Variants in PXK observed in about 807,000 individuals in gnomAD.
PXK encodes PX domain containing serine/threonine kinase like.
In PXK, 35 loss-of-function variants were observed where a neutral mutation model predicts 84.7. That is an observed-to-expected ratio of 0.41 (90% CI 0.32 to 0.55). The LOEUF (loss-of-function observed/expected upper bound fraction) is 0.55, where lower values mean the gene tolerates loss of function less well. Ranked by LOEUF, PXK falls within the 20% of genes least tolerant of loss-of-function variation. PXK has a pLI of 0.21. For missense variants in PXK, 634 were observed against 699.7 expected (o/e 0.91, Z 1.06); for synonymous variants, 253 against 260.8 (o/e 0.97, Z 0.29).
At chr3:58,422,049 T>A in intron 17 of PXK, 1 of 985,406 alleles carries the variant, frequency 1.0e-6, no homozygotes, top group Non-Finnish European at 1.2e-6. Flanking sequence ...ACAGGCCAAA[T>A]GGTAACTTTC....
At chr3:58,334,440 A>G (rs751560570) in intron 1 of PXK, among the ~76,000 whole-genome samples, 9 of 152,196 alleles carry the variant, frequency 5.9e-5, no homozygotes, top group Non-Finnish European at 1.3e-4. Context: ...TAGGATAGGG[A>G]GTCAAGAGTA....
Position 58,333,002 on chromosome 3 carries a change from A to G in PXK, c.14A>G (p.Glu5Gly). 7.3e-7 allele frequency: 1 copy of G among 1,367,408 alleles called. No individual in the cohort carries two copies. The highest frequency in any genetic ancestry group is 1.4e-5 in the South Asian group (1 of 69,288). The allele number at this position is 1,367,408 out of a possible 1,614,324, so 84.7% of individuals were successfully genotyped here. The change falls in exon 1 of 18, where the codon GAG (glutamate) becomes GGG (glycine). Residue 5 changes from glutamate (E) to glycine (G), a missense_variant. Physicochemically the swap from Glu to Gly is moderately conservative, Grantham distance 98. Around this residue, in one of 3 missense-constraint regions of PXK, gnomAD observed 353 missense variants for 385.2 expected, o/e 0.92. Coordinates refer to ENST00000356151, the MANE Select transcript of PXK (RefSeq NM_017771.5). This position sits in a 1 kb window ranked among gnomAD's most constrained non-coding sequence, Gnocchi z 5.4. MAFM[E>G]KPPAGKVLLD... is the part of the protein sequence containing the mutation. ...GGGCGTCCCGGGATGGCCTTCATGG[A>G]GAAGCCGCCAGCCGGCAAGGTGCTG...
intron 3 of PXK, among the ~76,000 whole-genome samples, chr3:58,372,276 C>G (rs2098384230): frequency 6.6e-6 from 1 of 152,070 alleles, no homozygotes; most frequent in African/African-American, 2.4e-5. Context: ...AAGTGCTCCA[C>G]AAACAAGCAC....
chr3:58,406,526 G>C (rs541534650), intron 13 of PXK, among the ~76,000 whole-genome samples: 51 of 152,126 alleles, frequency 3.4e-4, no homozygotes, highest in African/African-American at 1.2e-3. Flanking sequence ...GCCTCCCAAA[G>C]TGCTGGGATT....
At chr3:58,404,574 A>AGG (rs761598804) in intron 13 of PXK, among the ~76,000 whole-genome samples, 26 of 152,174 alleles carry the variant, frequency 1.7e-4, no homozygotes, top group Non-Finnish European at 3.2e-4. Flanking sequence ...CAAGCACTTA[A>AGG]TCTTTGAGTC....
Position 58,365,508 on chromosome 3 carries a change from T to C in PXK, c.103-366T>C, listed in dbSNP as rs74500023. ...CTAATTAAATCCTGTTGGCTGATGG[T>C]ATTGTTAAGTTCTTCTATATCCTAG... is the stretch of plus-strand genomic sequence containing the variant. On this transcript the variant is annotated intron_variant, in intron 1 of 17. Transcript: ENST00000356151. 4.1e-3 allele frequency among the ~76,000 whole-genome samples: 630 copies of C among 152,358 alleles called. 4 individuals carry two copies. The highest frequency in any genetic ancestry group is 0.015 in the African/African-American group (603 of 41,584).
chr3:58,346,438 C>T (rs912317209), intron 1 of PXK, among the ~76,000 whole-genome samples: 17 of 151,882 alleles, frequency 1.1e-4, no homozygotes, highest in Non-Finnish European at 2.1e-4. Flanking sequence ...AAGTAGAGGC[C>T]ACAAGGGAAA....
intron 1 of PXK, among the ~76,000 whole-genome samples, chr3:58,352,081 C>T (rs114198859): frequency 0.018 from 2,725 of 152,318 alleles, 78 homozygotes; most frequent in African/African-American, 0.062. Context: ...CGTTGGGCTT[C>T]GTTCCAGATC....
At position 58,391,753 on chromosome 3, in the gene PXK, A is replaced by G; in HGVS notation, c.541-20A>G. On this transcript the variant is annotated intron_variant, in intron 6 of 17. Coordinates refer to ENST00000356151, the MANE Select transcript of PXK (RefSeq NM_017771.5). The stretch of plus-strand genomic sequence containing the variant: ...TTGGTGACCAAAACAGTACCCTGAT[A>G]TTCCCTTCCATGTTTTCAGGCTGAC... 1 of 1,601,212 alleles carries G rather than the reference A, an allele frequency of 6.2e-7. No individual in the cohort carries two copies. The highest frequency in any genetic ancestry group is 8.6e-7 in the Non-Finnish European group (1 of 1,168,324).
rs77825960 is a variant in PXK at position 58,332,950 on chromosome 3, A to C, written c.-39A>C. The C allele has an allele frequency of 7.7e-7, 1 of 1,290,880 alleles. No individual in the cohort carries two copies. Among genetic ancestry groups the C allele is most frequent in the African/African-American group, 1.6e-5 (1 of 63,434 alleles). The allele number at this position is 1,290,880 out of a possible 1,614,324, so 80.0% of individuals were successfully genotyped here. A position where few individuals can be genotyped will look rare whatever the true frequency, so the allele number is the denominator to read the frequency against. On this transcript the variant is annotated 5_prime_UTR_variant, in exon 1 of 18. Coordinates refer to ENST00000356151, the MANE Select transcript of PXK (RefSeq NM_017771.5). This position sits in a 1 kb window ranked among gnomAD's most constrained non-coding sequence, Gnocchi z 5.6. ...GCGGGAGTCGGCGCCTCGGGTTCCT[A>C]CCTCGCGTCCCTAGGCGGCGGCGGC...
chr3:58,413,976 G>A (rs1224697127), intron 17 of PXK: 1 of 152,248 alleles, frequency 6.6e-6, no homozygotes, highest in Non-Finnish European at 1.5e-5. Context: ...GGCTGAGGGT[G>A]GCTACTGGTG....
intron 1 of PXK, among the ~76,000 whole-genome samples, chr3:58,339,972 G>A (rs898248213): frequency 4.0e-5 from 6 of 148,994 alleles, no homozygotes; most frequent in Admixed American, 4.0e-4. Context: ...CTGCCACCAT[G>A]CCTGGCTAAT....
chr3:58,379,490 C>G lies in PXK; in HGVS notation c.202-3024C>G, dbSNP rs868281385. 1 of 161,178 alleles carries G rather than the reference C, an allele frequency of 6.2e-6. No homozygotes were observed. The highest frequency in any genetic ancestry group is 6.5e-5 in the Admixed American group (1 of 15,426). The allele number at this position is 161,178 out of a possible 1,614,324, so 10.0% of individuals were successfully genotyped here. On this transcript the variant is annotated intron_variant, in intron 3 of 17. Transcript: ENST00000356151. This position sits in a 1 kb window ranked among gnomAD's most constrained non-coding sequence, Gnocchi z 5.1. ...CCTGGGATACCTCTGAAGTGTGGCC[C>G]TTAAATCCCAGTTCCTGTTCATACC... is the stretch of plus-strand genomic sequence containing the variant.
chr3:58,396,269 G>T (rs1230157609), intron 9 of PXK, among the ~76,000 whole-genome samples: 1 of 152,076 alleles, frequency 6.6e-6, no homozygotes, highest in Admixed American at 6.6e-5. Flanking sequence ...ATACATATAT[G>T]TGTATGTGTG....
At chr3:58,422,354 G>T in intron 17 of PXK, 1 of 985,364 alleles carries the variant, frequency 1.0e-6, no homozygotes, top group Non-Finnish European at 1.2e-6. Flanking sequence ...CATGGTTGTT[G>T]TAGGCCCAGT....
At chr3:58,377,003 A>G (rs1325833243) in intron 3 of PXK, among the ~76,000 whole-genome samples, 4 of 152,210 alleles carry the variant, frequency 2.6e-5, no homozygotes, top group African/African-American at 9.6e-5. Context: ...TGGATGTGCA[A>G]TAGCTAAGTG....
intron 2 of PXK, among the ~76,000 whole-genome samples, chr3:58,367,402 G>A (rs1197028356): frequency 4.0e-5 from 6 of 151,812 alleles, no homozygotes; most frequent in Non-Finnish European, 7.4e-5. Context: ...CCGCCACCAC[G>A]CCCAGCTAAT....
intron 17 of PXK, 115 bp downstream of exon 17, chr3:58,413,078 T>TAAC: frequency 1.8e-6 from 2 of 1,135,902 alleles, no homozygotes; most frequent in Non-Finnish European, 2.6e-6. Flanking sequence ...AGCAGCTTTC[T>TAAC]CAAGAGAAAT....
intron 4 of PXK, among the ~76,000 whole-genome samples, chr3:58,382,968 A>G (rs1317471808): frequency 6.6e-6 from 1 of 152,190 alleles, no homozygotes; most frequent in Admixed American, 6.5e-5. Context: ...TCTTGCCTTT[A>G]TTGTCTTCCC....
Sources: gnomAD v4.1 joint callset for allele counts (sites outside exome capture counted in the v4.1 genomes callset) on GRCh38, gnomAD v4.1.1 for gene constraint, gnomAD v4.1.1 regional missense constraint, Gnocchi (gnomAD v3.1) non-coding constraint, MANE v1.5 for transcripts, NCBI Gene and HGNC (gene_info 2026-07-23, HGNC 2026-07-21) for gene names.